The following SLC18B1 variants were observed in gnomAD, a reference collection of about 807,000 sequenced individuals.
SLC18B1 encodes the protein solute carrier family 18 member B1, also known as MFS-type transporter SLC18B1.
A neutral mutation model predicts 53.9 loss-of-function variants in SLC18B1; 62 were observed. That is an observed-to-expected ratio of 1.15 (90% confidence interval 0.94 to 1.42). SLC18B1 has a LOEUF of 1.42. Ranked by LOEUF, SLC18B1 falls within the 40% of genes most tolerant of loss-of-function variation. The pLI, the probability that SLC18B1 is intolerant of heterozygous loss-of-function variation, is 0.00. For missense variants in SLC18B1, 598 were observed against 547.3 expected (o/e 1.09, Z -0.93); for synonymous variants, 217 against 200.9 (o/e 1.08, Z -0.68).
intron 2 of SLC18B1, among the ~76,000 whole-genome samples, chr6:132,796,602 A>G (rs1218112799): frequency 6.6e-6 from 1 of 151,938 alleles, no homozygotes; most frequent in East Asian, 1.9e-4. Flanking sequence ...AATGTGAATA[A>G]AACCTCGAGA....
chr6:132,791,107 T>G (rs1370289401), intron 2 of SLC18B1, among the ~76,000 whole-genome samples: 1 of 152,230 alleles, frequency 6.6e-6, no homozygotes, highest in Non-Finnish European at 1.5e-5. Flanking sequence ...TATAGAAATT[T>G]AAGGAATCAA....
At chr6:132,790,153 T>C in intron 3 of SLC18B1, 24 bp downstream of exon 3, 1 of 1,478,206 alleles carries the variant, frequency 6.8e-7, no homozygotes, top group Non-Finnish European at 9.1e-7. Context: ...AAAATTAAGA[T>C]GTGCATATGA....
At chr6:132,770,963 A>G (rs1323824703) in intron 12 of SLC18B1, 24 bp from the exon 13 acceptor site, 2 of 1,611,880 alleles carry the variant, frequency 1.2e-6, no homozygotes, top group Admixed American at 3.4e-5. Context: ...AAAAGTACTG[A>G]TTAATGTAAA....
chr6:132,792,351 G>A (rs1035711700), intron 2 of SLC18B1, among the ~76,000 whole-genome samples: 1 of 109,788 alleles, frequency 9.1e-6, no homozygotes, highest in African/African-American at 3.7e-5. Context: ...AAGGAAGGAA[G>A]GAAGGGAAAG....
rs1562271290 is a variant in SLC18B1 at position 132,792,252 on chromosome 6, A to AG, written c.184-1981_184-1980insC. ...GAAAGAAAGAAAGAAAGAAAGAAAGAAAGAAAGAAAGAAAGAAAGAAAGAA... is the reference window on the plus strand; with the variant it reads ...GAAAGAAAGAAAGAAAGAAAGAAAGAGAAGAAAGAAAGAAAGAAAGAAAGAA... On this transcript the variant is annotated intron_variant, in intron 2 of 13. Coordinates refer to ENST00000275227, the MANE Select transcript of SLC18B1 (RefSeq NM_052831.3). Among the ~76,000 whole-genome samples, 22 of 26,426 alleles carry AG rather than the reference A, an allele frequency of 8.3e-4. No homozygotes were observed. The East Asian group carries it at 9.0e-3, about 11-fold the overall frequency. The allele number at this position is 26,426 out of a possible 152,430, so 17.3% of individuals were successfully genotyped here. A position where few individuals can be genotyped will look rare whatever the true frequency, so the allele number is the denominator to read the frequency against.
At position 132,797,055 on chromosome 6, in the gene SLC18B1, A is replaced by C. The variant is rs1781711744; in HGVS notation, c.110T>G (p.Leu37Arg). 6.2e-7 allele frequency: 1 copy of C among 1,614,198 alleles called. No individual in the cohort carries two copies. The highest frequency in any genetic ancestry group is 1.3e-5 in the African/African-American group (1 of 75,050). The change falls in exon 2 of 14, where the codon CTG (leucine) becomes CGG (arginine). Residue 37 changes from leucine to arginine, a missense_variant. Transcript: ENST00000275227. The stretch of plus-strand genomic sequence containing the variant: ...TAAGTTCACCGAAGCTGCCGATATC[A>C]GTACAAAAACCTGTTCTCTCGAAAG... The part of the protein sequence containing the change: ...GWLSREQVFV[L>R]ISAASVNLGS...
intron 5 of SLC18B1, among the ~76,000 whole-genome samples, chr6:132,786,747 A>G (rs1040255948): frequency 6.6e-6 from 1 of 152,126 alleles, no homozygotes; most frequent in Non-Finnish European, 1.5e-5. Context: ...TATGATATGA[A>G]GTGCGTGGGC....
chr6:132,785,897 C>CAAAAAAAAAAAAAAAAAAGAAAA (rs1781356342), intron 5 of SLC18B1, among the ~76,000 whole-genome samples: 12 of 81,180 alleles, frequency 1.5e-4, no homozygotes, highest in Admixed American at 7.0e-4. Flanking sequence ...CCTGTCTCTA[C>CAAAAAAAAAAAAAAAAAAGAAAA]AAAAAAAAAA....
chr6:132,784,092 T>TA lies in SLC18B1; in HGVS notation c.502-4dup, dbSNP rs778823502. 1.3e-6 allele frequency: 2 copies of TA among 1,549,200 alleles called. No homozygotes were observed. Among genetic ancestry groups the TA allele is most frequent in the East Asian group, 2.3e-5 (1 of 43,058 alleles). Reference sequence around the variant, plus strand: ...CCAGAAAAAGTCTCAAGACTTCCCTTAAAATGAGAAAAAGAAAAAATCAGT... The same window carrying TA: ...CCAGAAAAAGTCTCAAGACTTCCCTTAAAAATGAGAAAAAGAAAAAATCAGT... On this transcript the variant is annotated splice_polypyrimidine_tract_variant and splice_region_variant and intron_variant, in intron 5 of 13. Coordinates refer to ENST00000275227, the MANE Select transcript of SLC18B1 (RefSeq NM_052831.3).
At chr6:132,789,670 G>T in intron 4 of SLC18B1, 94 bp downstream of exon 4, 1 of 866,152 alleles carries the variant, frequency 1.2e-6, no homozygotes, top group Non-Finnish European at 1.9e-6. Flanking sequence ...GACAATAAAT[G>T]GAACCATTGA....
At chr6:132,780,007 C>T (rs1383525636) in intron 6 of SLC18B1, among the ~76,000 whole-genome samples, 1 of 152,140 alleles carries the variant, frequency 6.6e-6, no homozygotes, top group Admixed American at 6.6e-5. Flanking sequence ...CTCCACCTGG[C>T]CCCACCCCTT....
chr6:132,770,357 G>A lies in SLC18B1; in HGVS notation c.1305-21C>T, dbSNP rs753506662. On this transcript the variant is annotated intron_variant, in intron 13 of 13. Transcript: ENST00000275227. ...TAGACCTACATTGAGGGAAAGAAGA[G>A]ATGAATCTCAATATTTCTCATCTTA... 17 of 1,584,744 alleles carry A rather than the reference G, an allele frequency of 1.1e-5. No homozygotes were observed. The East Asian group carries it at 1.3e-4, about 12-fold the overall frequency.
At chr6:132,784,240 TA>T in intron 5 of SLC18B1, 151 bp from the exon 6 acceptor site, 1 of 490,428 alleles carries the variant, frequency 2.0e-6, no homozygotes, top group South Asian at 8.6e-5. Flanking sequence ...ATTGAAATCA[TA>T]AAAATATTAG....
intron 8 of SLC18B1, 64 bp from the exon 9 acceptor site, chr6:132,774,377 C>A (rs1034050658): frequency 2.2e-5 from 27 of 1,245,112 alleles, no homozygotes; most frequent in Non-Finnish European, 2.7e-5. Flanking sequence ...AATCAAACAA[C>A]GTAAAACATT....
At chr6:132,792,964 C>CA (rs1781588196) in intron 2 of SLC18B1, among the ~76,000 whole-genome samples, 1 of 151,928 alleles carries the variant, frequency 6.6e-6, no homozygotes, top group Admixed American at 6.6e-5. Context: ...ACTAAAAATA[C>CA]AAAAAAATTA....
chr6:132,778,615 G>A (rs1019615293), intron 7 of SLC18B1, among the ~76,000 whole-genome samples: 4 of 152,190 alleles, frequency 2.6e-5, no homozygotes, highest in South Asian at 2.1e-4. Context: ...ATTATGGGTT[G>A]AAGTTAGTCA....
chr6:132,789,959 T>C, intron 3 of SLC18B1, 122 bp from the exon 4 acceptor site: 1 of 688,246 alleles, frequency 1.5e-6, no homozygotes, highest in Non-Finnish European at 2.5e-6. Flanking sequence ...TAATATATTA[T>C]AATAATTCTT....
intron 11 of SLC18B1, 34 bp from the exon 12 acceptor site, chr6:132,771,163 T>C (rs753127395): frequency 3.2e-6 from 5 of 1,564,808 alleles, no homozygotes; most frequent in Non-Finnish European, 4.4e-6. Flanking sequence ...TATTCAATAG[T>C]GCAAAAAATA....
intron 9 of SLC18B1, among the ~76,000 whole-genome samples, chr6:132,773,352 T>C (rs777184063): frequency 1.3e-5 from 2 of 152,118 alleles, no homozygotes; most frequent in Non-Finnish European, 2.9e-5. Context: ...ATATCACATA[T>C]CTGGAGCCAA....
Sources: allele counts gnomAD v4.1 joint callset (sites outside exome capture counted in the v4.1 genomes callset), GRCh38; gene constraint gnomAD v4.1.1; transcripts MANE v1.5; gene names NCBI Gene and HGNC (gene_info 2026-07-23, HGNC 2026-07-21).